Variants in PRKCA observed in about 807,000 individuals in gnomAD.
PRKCA encodes protein kinase C alpha type.
PRKCA carries 27 observed loss-of-function variants against 87.0 expected under a neutral mutation model. The ratio of observed to expected loss-of-function variants is 0.31; its 90% CI spans 0.23 to 0.43. The LOEUF (loss-of-function observed/expected upper bound fraction) is 0.43. Ranked by LOEUF, PRKCA falls within the 20% of genes least tolerant of loss-of-function variation. PRKCA has a pLI of 1.00. For missense variants in PRKCA, 518 were observed against 852.3 expected (o/e 0.61, Z 4.88); for synonymous variants, 329 against 311.1 (o/e 1.06, Z -0.61).
At chr17:66,775,847 A>T (rs921310815) in intron 14 of PRKCA, 11 of 810,308 alleles carry the variant, frequency 1.4e-5, no homozygotes, top group Non-Finnish European at 1.6e-5. Context: ...CTTACAGCTT[A>T]GAGGAGGAGA....
In PRKCA at chr17:66,759,248, C is replaced by T. The variant is rs576366969; in HGVS notation, c.1525-14739C>T. The stretch of plus-strand genomic sequence containing the variant: ...GCGGGCACCTGTAGTCCCAGGTACT[C>T]GGGAGGCTGAGGCAGGAGAATGGCG... On this transcript the variant is annotated intron_variant, in intron 13 of 16. Coordinates refer to ENST00000413366, the MANE Select transcript of PRKCA (RefSeq NM_002737.3). Among the ~76,000 whole-genome samples the T allele has an allele frequency of 1.7e-3, 261 of 151,594 alleles. 3 individuals are homozygous for T. The highest frequency in any genetic ancestry group is 5.9e-3 in the African/African-American group (242 of 41,320).
intron 2 of PRKCA, among the ~76,000 whole-genome samples, chr17:66,373,965 T>G (rs904944846): frequency 2.1e-4 from 32 of 152,060 alleles, no homozygotes; most frequent in Admixed American, 1.3e-3. Context: ...TTTCCAGAAG[T>G]GGGATGTGGG....
chr17:66,726,370 A>C (rs1181899066), intron 8 of PRKCA, among the ~76,000 whole-genome samples: 5 of 152,212 alleles, frequency 3.3e-5, no homozygotes, highest in African/African-American at 1.2e-4. Context: ...GAGGCACTTG[A>C]GTTGGACTTT....
chr17:66,764,678 C>T lies in PRKCA; in HGVS notation c.1525-9309C>T, dbSNP rs1974758851. Among the ~76,000 whole-genome samples the T allele has an allele frequency of 2.0e-5, 3 of 152,372 alleles. No individual in the cohort carries two copies. In the South Asian group the frequency reaches 6.2e-4, roughly 32 times the overall value. On this transcript the variant is annotated intron_variant, in intron 13 of 16. Transcript: ENST00000413366. ...TGTCTTTGAAGCCACAGCTCAACCT[C>T]CCATGTGCAGCAGGGAAATCCGCCA...
intron 8 of PRKCA, among the ~76,000 whole-genome samples, chr17:66,717,625 G>T (rs1973509441): frequency 6.6e-6 from 1 of 152,218 alleles, no homozygotes; most frequent in African/African-American, 2.4e-5. Context: ...TTAGCACAGG[G>T]AAACGTACGG....
intron 10 of PRKCA, among the ~76,000 whole-genome samples, chr17:66,738,171 C>G (rs1292629868): frequency 6.6e-6 from 1 of 152,196 alleles, no homozygotes; most frequent in African/African-American, 2.4e-5. Context: ...AATAGAAAAA[C>G]AGTGTTTGGG....
At position 66,358,311 on chromosome 17, in the gene PRKCA, A is replaced by G. The variant is rs149171600; in HGVS notation, c.205+52184A>G. Among the ~76,000 whole-genome samples, 45 of 152,272 alleles carry G rather than the reference A, an allele frequency of 3.0e-4. No homozygotes were observed. The East Asian group carries it at 4.4e-3, about 15-fold the overall frequency. On this transcript the variant is annotated intron_variant, in intron 2 of 16. Transcript: ENST00000413366. ...GGAACTCTTCCGTTGTAATTGAATAATAAGTGTCATTCTTGGGTACCAGAT... is the reference window on the plus strand; with the variant it reads ...GGAACTCTTCCGTTGTAATTGAATAGTAAGTGTCATTCTTGGGTACCAGAT...
At chr17:66,360,043 GA>G (rs1271041405) in intron 2 of PRKCA, among the ~76,000 whole-genome samples, 2 of 152,174 alleles carry the variant, frequency 1.3e-5, no homozygotes, top group Non-Finnish European at 2.9e-5. Flanking sequence ...AAGACAATTA[GA>G]TTCTGAGAGG....
At chr17:66,392,992 G>C (rs921183160) in intron 2 of PRKCA, among the ~76,000 whole-genome samples, 1 of 152,146 alleles carries the variant, frequency 6.6e-6, no homozygotes, top group Non-Finnish European at 1.5e-5. Flanking sequence ...TTGCAGGCCT[G>C]TTAGGCATTT....
chr17:66,424,100 G>A (rs989951112), intron 2 of PRKCA, among the ~76,000 whole-genome samples: 1 of 152,048 alleles, frequency 6.6e-6, no homozygotes, highest in Non-Finnish European at 1.5e-5. Flanking sequence ...GTATTTCTTC[G>A]GGACAAGCAT....
chr17:66,618,668 C>A (rs1194427407), intron 3 of PRKCA, among the ~76,000 whole-genome samples: 2 of 152,074 alleles, frequency 1.3e-5, no homozygotes, highest in Non-Finnish European at 2.9e-5. Context: ...GTATTTGAGA[C>A]CTTACTCATG....
chr17:66,519,506 C>T, intron 3 of PRKCA, among the ~76,000 whole-genome samples: 1 of 152,166 alleles, frequency 6.6e-6, no homozygotes, highest in East Asian at 1.9e-4. Context: ...CTTGCCTCCC[C>T]ACTTATCAGC....
At chr17:66,787,422 G>A (rs762260961) in intron 15 of PRKCA, among the ~76,000 whole-genome samples, 1 of 152,122 alleles carries the variant, frequency 6.6e-6, no homozygotes, top group Admixed American at 6.6e-5. Flanking sequence ...TGACTGTACC[G>A]CACTTTTCAT....
chr17:66,777,651 A>C, intron 14 of PRKCA: 1 of 985,330 alleles, frequency 1.0e-6, no homozygotes, highest in Non-Finnish European at 1.2e-6. Flanking sequence ...ACAAAAAGCC[A>C]AGTCCCCCTC....
At chr17:66,463,669 G>T (rs566033395) in intron 2 of PRKCA, among the ~76,000 whole-genome samples, 7 of 152,164 alleles carry the variant, frequency 4.6e-5, no homozygotes, top group Admixed American at 1.3e-4. Context: ...TGCTGGGATT[G>T]CAGGCATGAG....
At chr17:66,794,609 T>G (rs967692897) in intron 16 of PRKCA, among the ~76,000 whole-genome samples, 4 of 149,718 alleles carry the variant, frequency 2.7e-5, no homozygotes, top group Non-Finnish European at 3.0e-5. Context: ...TTTTGTTTTT[T>G]GGGGGGGGTT....
chr17:66,474,377 A>G (rs1915450330), intron 2 of PRKCA, among the ~76,000 whole-genome samples: 1 of 152,226 alleles, frequency 6.6e-6, no homozygotes, highest in Non-Finnish European at 1.5e-5. Flanking sequence ...TGATGCCCAG[A>G]CAATGTTGTA....
At chr17:66,367,772 T>G (rs1467962074) in intron 2 of PRKCA, among the ~76,000 whole-genome samples, 1 of 152,210 alleles carries the variant, frequency 6.6e-6, no homozygotes, top group Non-Finnish European at 1.5e-5. Flanking sequence ...AAGTTGGCAA[T>G]GTTCAACTTA....
At chr17:66,679,432 T>C in intron 5 of PRKCA, among the ~76,000 whole-genome samples, 1 of 152,116 alleles carries the variant, frequency 6.6e-6, no homozygotes, top group Non-Finnish European at 1.5e-5. Context: ...CCACCCGCCT[T>C]GGCCTCCCAG....
Sources: allele counts gnomAD v4.1 joint callset (sites outside exome capture counted in the v4.1 genomes callset), GRCh38; gene constraint gnomAD v4.1.1; transcripts MANE v1.5; gene names NCBI Gene and HGNC (gene_info 2026-07-23, HGNC 2026-07-21).